The following RABGAP1 variants were observed in gnomAD, a reference collection of about 807,000 sequenced individuals.
RABGAP1 encodes the protein RAB GTPase activating protein 1.
A neutral mutation model predicts 137.6 loss-of-function variants in RABGAP1; 23 were observed. That is an observed-to-expected ratio of 0.17 (90% CI 0.12 to 0.24). The LOEUF is 0.24. Among genes scored for constraint, RABGAP1 ranks in the 10% least tolerant of loss-of-function variants. RABGAP1 has a pLI of 1.00. For missense variants in RABGAP1, 906 were observed against 1,275.8 expected, an observed-to-expected ratio of 0.71 and a Z score of 4.42; for synonymous variants, 451 against 450.7, an observed-to-expected ratio of 1.00 and a Z score of -0.01.
chr9:122,994,806 G>T (rs1336639979), intron 6 of RABGAP1, among the ~76,000 whole-genome samples: 1 of 151,894 alleles, frequency 6.6e-6, no homozygotes, highest in Admixed American at 6.6e-5. Context: ...TGGGAGAACA[G>T]GGGATTATTT....
intron 13 of RABGAP1, chr9:123,029,687 C>G: frequency 1.5e-6 from 1 of 679,694 alleles, no homozygotes; most frequent in Non-Finnish European, 2.8e-6. Context: ...GGTTTGTTCA[C>G]TGGGTCTTTG....
At chr9:123,095,251 A>G (rs1012881285) in intron 21 of RABGAP1, among the ~76,000 whole-genome samples, 1 of 125,078 alleles carries the variant, frequency 8.0e-6, no homozygotes, top group African/African-American at 2.8e-5. Context: ...AAAAAAAAAA[A>G]GCCAGCTTTT....
intron 13 of RABGAP1, among the ~76,000 whole-genome samples, chr9:123,049,562 A>G (rs1339352697): frequency 6.6e-6 from 1 of 152,080 alleles, no homozygotes; most frequent in Non-Finnish European, 1.5e-5. Flanking sequence ...AAAACAAAAT[A>G]CTCTTATTGT....
rs115725903 is a variant in RABGAP1, at chr9:122,966,856, G to A, written c.150+9647G>A. 8.8e-3 allele frequency among the ~76,000 whole-genome samples: 1,344 copies of A among 152,304 alleles called. 16 individuals are homozygous for A. The highest frequency in any genetic ancestry group is 0.031 in the African/African-American group (1,269 of 41,566). On this transcript the variant is annotated intron_variant, in intron 2 of 25. Transcript: ENST00000373647. Reference sequence around the variant, plus strand: ...GGAGGAGGAAGTCATGTCTTACATGGATGGAAGCAGGCAAGAGAAGAGAGA... The same window carrying A: ...GGAGGAGGAAGTCATGTCTTACATGAATGGAAGCAGGCAAGAGAAGAGAGA...
chr9:122,940,434 T>G (rs1833483620), upstream of RABGAP1: 1 of 152,174 alleles, frequency 6.6e-6, no homozygotes, highest in African/African-American at 2.4e-5. Context: ...AGTTTTGACT[T>G]CTAGACTGGA....
intron 2 of RABGAP1, among the ~76,000 whole-genome samples, chr9:122,982,954 C>T (rs990161309): frequency 3.3e-5 from 5 of 152,084 alleles, no homozygotes; most frequent in African/African-American, 1.2e-4. Context: ...ACTGCAGCCT[C>T]AACTTCTGGG....
chr9:123,017,873 A>G (rs1438623338), intron 12 of RABGAP1, among the ~76,000 whole-genome samples: 1 of 152,246 alleles, frequency 6.6e-6, no homozygotes, highest in East Asian at 1.9e-4. Flanking sequence ...TCTAGTTAGT[A>G]AATGTCACAA....
chr9:122,967,163 T>C (rs1835204218), intron 2 of RABGAP1, among the ~76,000 whole-genome samples: 1 of 152,140 alleles, frequency 6.6e-6, no homozygotes, highest in African/African-American at 2.4e-5. Flanking sequence ...AATAGATTGA[T>C]TTAGATAATA....
Position 122,989,349 on chromosome 9 carries a change from A to C in RABGAP1, c.643A>C (p.Ile215Leu). The change falls in exon 5 of 26, where the codon ATC (isoleucine) becomes CTC (leucine). Residue 215 changes from isoleucine (I) to leucine (L), a missense_variant. This residue lies in a region of RABGAP1 where 331 missense variants were observed against 358.3 expected (regional missense o/e 0.92). Transcript: ENST00000373647. ...TEIANYPIYK[I>L]LFCVRGHDGT... Reference sequence around the variant, plus strand: ...AATAGCAAACTACCCTATCTACAAAATCCTCTTCTGTGTCAGAGGGCATGA... The same window carrying C: ...AATAGCAAACTACCCTATCTACAAACTCCTCTTCTGTGTCAGAGGGCATGA... 2 of 1,613,834 alleles carry C rather than the reference A, an allele frequency of 1.2e-6. No individual in the cohort carries two copies. Among genetic ancestry groups the C allele is most frequent in the Non-Finnish European group, 1.7e-6 (2 of 1,179,822 alleles).
intron 13 of RABGAP1, among the ~76,000 whole-genome samples, chr9:123,025,545 T>TTTTTTTC (rs1554719843): frequency 3.3e-5 from 4 of 121,346 alleles, no homozygotes; most frequent in South Asian, 2.3e-4. Context: ...TTTCTTTTCT[T>TTTTTTTC]TTTTTTTTTT....
chr9:123,068,060 C>G (rs991077963), intron 14 of RABGAP1, among the ~76,000 whole-genome samples: 1 of 152,074 alleles, frequency 6.6e-6, no homozygotes, highest in Non-Finnish European at 1.5e-5. Context: ...GCTCAAGATT[C>G]ATATCTAGGC....
chr9:123,057,309 G>A (rs534659762), intron 13 of RABGAP1, among the ~76,000 whole-genome samples: 84 of 149,274 alleles, frequency 5.6e-4, no homozygotes, highest in East Asian at 5.0e-3. Flanking sequence ...GGCGGTTGCC[G>A]GGCGGAGGGT....
At chr9:122,972,091 T>A (rs1458715748) in intron 2 of RABGAP1, 1 of 152,138 alleles carries the variant, frequency 6.6e-6, no homozygotes, top group African/African-American at 2.4e-5. Flanking sequence ...CAGATGACAA[T>A]TAAAAATCTT....
Position 122,996,611 on chromosome 9 carries a change from A to G in RABGAP1, c.1101+6A>G. 3 of 1,590,850 alleles carry G rather than the reference A, an allele frequency of 1.9e-6. No individual in the cohort carries two copies. The highest frequency in any genetic ancestry group is 2.6e-6 in the Non-Finnish European group (3 of 1,163,514). ...ACATGCACTTATTAGATTTGGTAAG[A>G]ATTTATTTTTATTAGAAAGTTACAT... On this transcript the variant is annotated splice_donor_region_variant and intron_variant, in intron 8 of 25. Transcript: ENST00000373647.
intron 6 of RABGAP1, chr9:122,990,769 C>CAAAAAAAAAA (rs869120702): frequency 1.3e-4 from 2 of 15,910 alleles, no homozygotes; most frequent in East Asian, 4.2e-3. Context: ...AACTCCGTCT[C>CAAAAAAAAAA]AAAAAAAAAA....
intron 13 of RABGAP1, among the ~76,000 whole-genome samples, chr9:123,057,236 G>C (rs2033754053): frequency 2.0e-5 from 3 of 151,854 alleles, no homozygotes. Flanking sequence ...GCCGGGCGGA[G>C]GGGCTCCTCA....
chr9:123,036,109 A>G (rs551310912), intron 13 of RABGAP1, among the ~76,000 whole-genome samples: 1 of 152,386 alleles, frequency 6.6e-6, no homozygotes, highest in South Asian at 2.1e-4. Context: ...TATGTATGCC[A>G]AAGCATAACT....
rs776544428 is a variant in RABGAP1, at chr9:123,020,395, A to G, written c.1730A>G (p.Gln577Arg). The G allele has an allele frequency of 1.2e-6, 2 of 1,607,736 alleles. No homozygotes were observed. The highest frequency in any genetic ancestry group is 1.7e-6 in the Non-Finnish European group (2 of 1,176,852). ...VPEALRGEVW[Q>R]LLAGCHNNDH... is the part of the protein sequence containing the mutation. The stretch of plus-strand genomic sequence containing the variant: ...GAAGCTCTTCGAGGAGAAGTCTGGC[A>G]GCTGCTAGCAGGCTGTCATAACAAT... The change falls in exon 13 of 26, where the codon CAG becomes CGG. Residue 577 changes from glutamine to arginine, a missense_variant. By Grantham distance (43) the Gln-to-Arg change is conservative (BLOSUM62 1). Around this residue, in one of 9 missense-constraint regions of RABGAP1, gnomAD observed 212 missense variants for 289.4 expected, o/e 0.73. Coordinates refer to ENST00000373647, the MANE Select transcript of RABGAP1 (RefSeq NM_012197.4).
At chr9:122,952,735 C>G (rs1429448974) in intron 1 of RABGAP1, among the ~76,000 whole-genome samples, 1 of 152,078 alleles carries the variant, frequency 6.6e-6, no homozygotes, top group Non-Finnish European at 1.5e-5. Flanking sequence ...GACCCTGTCT[C>G]AAAAGTAAAA....
Sources: gnomAD v4.1 joint callset for allele counts (sites outside exome capture counted in the v4.1 genomes callset) on GRCh38, gnomAD v4.1.1 for gene constraint, gnomAD v4.1.1 regional missense constraint, MANE v1.5 for transcripts, NCBI Gene and HGNC (gene_info 2026-07-23, HGNC 2026-07-21) for gene names.